SCAF8: variants seen among roughly 807,000 people sequenced by gnomAD.
SCAF8 encodes SR-related and CTD-associated factor 8.
SCAF8 carries 23 observed loss-of-function variants against 140.5 expected under a neutral mutation model. That is an observed-to-expected ratio of 0.16 (90% confidence interval 0.12 to 0.23). SCAF8 has a LOEUF of 0.23. SCAF8 is among the 10% of genes least tolerant of loss of function. The probability of loss-of-function intolerance (pLI) is 1.00; values close to 1 mark genes in which losing one functional copy is unlikely to be tolerated. For missense variants in SCAF8, 1,397 were observed against 1,555.7 expected (o/e 0.90, Z 1.72); for synonymous variants, 575 against 528.9 (o/e 1.09, Z -1.20).
At chr6:154,769,702 A>C (rs1323849968) in intron 1 of SCAF8, among the ~76,000 whole-genome samples, 1 of 152,236 alleles carries the variant, frequency 6.6e-6, no homozygotes, top group Non-Finnish European at 1.5e-5. Flanking sequence ...ACAACTTTTA[A>C]TAAGGGGACA....
intron 11 of SCAF8, 89 bp from the exon 12 acceptor site, chr6:154,809,926 T>C: frequency 9.4e-7 from 1 of 1,061,832 alleles, no homozygotes; most frequent in Non-Finnish European, 1.4e-6. Context: ...AGACAACTTT[T>C]TTGTTATTGT....
intron 1 of SCAF8, among the ~76,000 whole-genome samples, chr6:154,749,999 A>T (rs1371159588): frequency 3.9e-5 from 6 of 152,040 alleles, no homozygotes; most frequent in Non-Finnish European, 7.4e-5. Context: ...GCTGGATATG[A>T]GGAAGATGGG....
Position 154,769,044 on chromosome 6 carries a change from C to G in SCAF8, c.31-4945C>G, listed in dbSNP as rs559555493. Among the ~76,000 whole-genome samples, 89 of 117,794 alleles carry G rather than the reference C, an allele frequency of 7.6e-4. 4 individuals are homozygous for G. In the South Asian group the frequency reaches 0.021, roughly 28 times the overall value. The allele number at this position is 117,794 out of a possible 152,430, so 77.3% of individuals were successfully genotyped here. A position where few individuals can be genotyped will look rare whatever the true frequency, so the allele number is the denominator to read the frequency against. ...CGCCACTGCACTCCAGCGTGGGCGA[C>G]AGAGTGAGACACTGTCTCAAAAAAA... On this transcript the variant is annotated intron_variant, in intron 1 of 19. Transcript: ENST00000367178.
chr6:154,743,609 A>G (rs1295791454), intron 1 of SCAF8, among the ~76,000 whole-genome samples: 2 of 152,218 alleles, frequency 1.3e-5, no homozygotes, highest in Non-Finnish European at 2.9e-5. Flanking sequence ...GAAAGATGAA[A>G]TAGTTTGCCA....
chr6:154,794,774 GT>G lies in SCAF8; in HGVS notation c.476-234del, dbSNP rs1201345614. The stretch of plus-strand genomic sequence containing the variant: ...ATCCTTTTGGTGGGGGGGGGGGGGT[GT>G]GGGGGGTGTGTGTGTGTGTGTGTGT... On this transcript the variant is annotated intron_variant, in intron 5 of 19. Transcript: ENST00000367178. Among the ~76,000 whole-genome samples the G allele has an allele frequency of 5.3e-3, 95 of 17,786 alleles. 2 individuals carry two copies. The highest frequency in any genetic ancestry group is 0.011 in the African/African-American group (30 of 2,714). 11.7% of individuals were successfully genotyped at this position (17,786 alleles called of 152,430 possible). A position where few individuals can be genotyped will look rare whatever the true frequency, so the allele number is the denominator to read the frequency against.
chr6:154,827,795 C>G (rs1778606724), intron 18 of SCAF8, among the ~76,000 whole-genome samples: 1 of 134,610 alleles, frequency 7.4e-6, no homozygotes, highest in African/African-American at 2.7e-5. Context: ...CTTGCAGTGC[C>G]TTTTTGTCCT....
In SCAF8 at chr6:154,832,655, A is replaced by G. The variant is rs529736628; in HGVS notation, c.3076A>G (p.Ser1026Gly). The change falls in exon 20 of 20, where the codon AGC becomes GGC. Residue 1026 changes from serine to glycine, a missense_variant. Ser to Gly is a moderately conservative substitution (Grantham distance 56). Coordinates refer to ENST00000367178, the MANE Select transcript of SCAF8 (RefSeq NM_014892.5). ...GTTTCCTCCTATAGAAACCAGGGAA[A>G]GCATTAGTAGACCTCCCCCTGTGGA... ...YRFPPIETRE[S>G]ISRPPPVDVR... 7 of 1,614,094 alleles carry G rather than the reference A, an allele frequency of 4.3e-6. No homozygotes were observed. The South Asian group carries it at 7.7e-5, about 18-fold the overall frequency.
intron 1 of SCAF8, among the ~76,000 whole-genome samples, chr6:154,772,951 G>C (rs968812484): frequency 2.6e-5 from 4 of 151,994 alleles, no homozygotes; most frequent in Non-Finnish European, 4.4e-5. Flanking sequence ...GTAGCGACAG[G>C]GTTTCCCCAT....
chr6:154,812,413 G>A (rs144331097), intron 12 of SCAF8, among the ~76,000 whole-genome samples: 1 of 141,988 alleles, frequency 7.0e-6, no homozygotes, highest in Non-Finnish European at 1.5e-5. Flanking sequence ...CATATCTTTT[G>A]TGTGCACTGG....
chr6:154,807,044 G>C (rs1251640646), intron 9 of SCAF8, among the ~76,000 whole-genome samples: 2 of 152,210 alleles, frequency 1.3e-5, no homozygotes, highest in Non-Finnish European at 2.9e-5. Flanking sequence ...GTAACACTTT[G>C]TGAATTGCTT....
chr6:154,741,902 C>T, intron 1 of SCAF8: 1 of 1,238,302 alleles, frequency 8.1e-7, no homozygotes, highest in Non-Finnish European at 1.1e-6. Flanking sequence ...TTTAAGTGAG[C>T]TCATTTTGTC....
chr6:154,784,895 C>A (rs1199008753), intron 3 of SCAF8, among the ~76,000 whole-genome samples: 1 of 152,078 alleles, frequency 6.6e-6, no homozygotes, highest in Non-Finnish European at 1.5e-5. Context: ...AAGAGAAGAC[C>A]TATGTAGCTC....
chr6:154,753,188 C>T (rs367707944), intron 1 of SCAF8, among the ~76,000 whole-genome samples: 12 of 151,770 alleles, frequency 7.9e-5, no homozygotes, highest in South Asian at 6.2e-4. Context: ...AATTAAGGCC[C>T]GGTGTGGTGC....
At chr6:154,761,137 C>T (rs753919844) in intron 1 of SCAF8, among the ~76,000 whole-genome samples, 8 of 152,020 alleles carry the variant, frequency 5.3e-5, no homozygotes, top group African/African-American at 1.9e-4. Flanking sequence ...TTATTTCTTA[C>T]ATTTGATAGT....
chr6:154,798,128 G>A (rs1777661888), intron 6 of SCAF8, among the ~76,000 whole-genome samples: 1 of 151,208 alleles, frequency 6.6e-6, no homozygotes, highest in Non-Finnish European at 1.5e-5. Flanking sequence ...AAACATTCTC[G>A]GGCCTCTGGA....
At chr6:154,768,568 TTA>T (rs749309490) in intron 1 of SCAF8, among the ~76,000 whole-genome samples, 1 of 152,320 alleles carries the variant, frequency 6.6e-6, no homozygotes. Context: ...TTAACATTGT[TTA>T]TGTTTCTCTC....
At chr6:154,810,522 T>TA (rs1188300961) in intron 12 of SCAF8, among the ~76,000 whole-genome samples, 1 of 152,216 alleles carries the variant, frequency 6.6e-6, no homozygotes, top group Non-Finnish European at 1.5e-5. Context: ...CTGTCTATAG[T>TA]ATTCTTAGCA....
At chr6:154,766,858 A>G (rs1776586387) in intron 1 of SCAF8, among the ~76,000 whole-genome samples, 2 of 151,832 alleles carry the variant, frequency 1.3e-5, no homozygotes, top group African/African-American at 4.8e-5. Flanking sequence ...ATACTTCCAG[A>G]CTTATATGAT....
rs1225627939 is a variant in SCAF8, at chr6:154,753,589, A to G, written c.30+19659A>G. On this transcript the variant is annotated intron_variant, in intron 1 of 19. Transcript: ENST00000367178. ...GGGGGGCAGAGGTTGCAGTGAGCCA[A>G]GATCGCGACTCTGCCTCAAAAATAA... 2.0e-5 allele frequency among the ~76,000 whole-genome samples: 3 copies of G among 152,330 alleles called. No homozygotes were observed. In the South Asian group the frequency reaches 6.2e-4, roughly 32 times the overall value.
Sources: gnomAD v4.1 joint callset for allele counts (sites outside exome capture counted in the v4.1 genomes callset) on GRCh38, gnomAD v4.1.1 for gene constraint, MANE v1.5 for transcripts, NCBI Gene and HGNC (gene_info 2026-07-23, HGNC 2026-07-21) for gene names.